ERC2: variants seen among roughly 807,000 people sequenced by gnomAD.
ERC2 encodes ERC protein 2.
Under a neutral mutation model 114.8 loss-of-function variants are expected in ERC2, and 42 were observed. The ratio of observed to expected loss-of-function variants is 0.37; its 90% CI spans 0.29 to 0.47. ERC2 has a LOEUF of 0.47. ERC2 is among the 20% of genes least tolerant of loss of function. The probability of loss-of-function intolerance (pLI) is 0.99; values close to 1 mark genes in which losing one functional copy is unlikely to be tolerated. For missense variants in ERC2, 939 were observed against 1,150.7 expected, an observed-to-expected ratio of 0.82 and a Z score of 2.66; for synonymous variants, 454 against 425.5, an observed-to-expected ratio of 1.07 and a Z score of -0.82.
chr3:56,334,322 C>A (rs2057758906), intron 2 of ERC2, among the ~76,000 whole-genome samples: 1 of 152,176 alleles, frequency 6.6e-6, no homozygotes, highest in Admixed American at 6.5e-5. Flanking sequence ...GAGAAGTAGG[C>A]CATAGGCCAA....
intron 6 of ERC2, among the ~76,000 whole-genome samples, chr3:56,124,392 C>T (rs1349601945): frequency 2.0e-5 from 3 of 152,108 alleles, no homozygotes; most frequent in South Asian, 2.1e-4. Flanking sequence ...TAAGGGTGTA[C>T]GTAACAATTT....
At chr3:55,610,291 C>T (rs979460801) in intron 17 of ERC2, among the ~76,000 whole-genome samples, 2 of 152,002 alleles carry the variant, frequency 1.3e-5, no homozygotes, top group African/African-American at 4.8e-5. Flanking sequence ...GATCCCCCCT[C>T]ATTCCCCAGC....
intron 4 of ERC2, among the ~76,000 whole-genome samples, chr3:56,161,580 T>C (rs2082051505): frequency 6.6e-6 from 1 of 152,190 alleles, no homozygotes; most frequent in Non-Finnish European, 1.5e-5. Context: ...CTTTGAGCAG[T>C]GTTTTGCAGT....
At chr3:56,267,631 T>G (rs1388424394) in intron 3 of ERC2, among the ~76,000 whole-genome samples, 4 of 150,686 alleles carry the variant, frequency 2.7e-5, no homozygotes, top group Non-Finnish European at 5.9e-5. Flanking sequence ...AAAAAAAAAT[T>G]AACTGGGTGT....
At chr3:56,331,106 C>A (rs1444059268) in intron 2 of ERC2, among the ~76,000 whole-genome samples, 1 of 152,192 alleles carries the variant, frequency 6.6e-6, no homozygotes, top group Non-Finnish European at 1.5e-5. Context: ...CTCCTGTAGA[C>A]CCTCTTCTTA....
intron 3 of ERC2, among the ~76,000 whole-genome samples, chr3:56,213,275 G>T (rs184657010): frequency 6.6e-6 from 1 of 152,200 alleles, no homozygotes; most frequent in Non-Finnish European, 1.5e-5. Flanking sequence ...GCCAAGGAAA[G>T]GGGTGACAGA....
intron 6 of ERC2, among the ~76,000 whole-genome samples, chr3:56,083,875 G>A (rs528689968): frequency 2.6e-5 from 4 of 151,390 alleles, no homozygotes; most frequent in South Asian, 4.2e-4. Flanking sequence ...CAAAATAACC[G>A]AACAAGAAGA....
intron 14 of ERC2, among the ~76,000 whole-genome samples, chr3:55,856,385 G>A (rs1056015045): frequency 4.6e-5 from 7 of 152,192 alleles, no homozygotes; most frequent in Admixed American, 4.6e-4. Context: ...ATGCAGAACA[G>A]AACACCATTC....
intron 17 of ERC2, among the ~76,000 whole-genome samples, chr3:55,611,298 T>C (rs999113014): frequency 6.6e-6 from 1 of 152,202 alleles, no homozygotes; most frequent in Non-Finnish European, 1.5e-5. Flanking sequence ...TTGAGTTAGA[T>C]TGTCCTCTCC....
intron 13 of ERC2, among the ~76,000 whole-genome samples, chr3:55,927,632 C>T (rs2065822729): frequency 1.3e-5 from 2 of 152,108 alleles, no homozygotes; most frequent in African/African-American, 2.4e-5. Context: ...TATTTTAAAA[C>T]ATACAATAAA....
chr3:55,541,526 G>A (rs2107343864), intron 17 of ERC2, among the ~76,000 whole-genome samples: 1 of 152,290 alleles, frequency 6.6e-6, no homozygotes, highest in South Asian at 2.1e-4. Flanking sequence ...GCTAGGAATG[G>A]TCATTCCCAT....
intron 17 of ERC2, among the ~76,000 whole-genome samples, chr3:55,573,536 C>A (rs191311949): frequency 7.9e-5 from 12 of 152,298 alleles, no homozygotes; most frequent in African/African-American, 2.6e-4. Flanking sequence ...TAGTTGGAGG[C>A]AGGCCCTGAT....
At chr3:56,277,470 C>G (rs1470656299) in intron 3 of ERC2, among the ~76,000 whole-genome samples, 1 of 152,156 alleles carries the variant, frequency 6.6e-6, no homozygotes, top group African/African-American at 2.4e-5. Flanking sequence ...CTGTCACAGG[C>G]ATTAGAAATG....
chr3:56,022,030 C>A (rs766855323), intron 7 of ERC2, among the ~76,000 whole-genome samples: 19 of 152,146 alleles, frequency 1.2e-4, no homozygotes, highest in Non-Finnish European at 2.4e-4. Context: ...CTGCAACGAA[C>A]ATTCACATAC....
At chr3:55,942,150 T>G (rs1242289155) in intron 13 of ERC2, among the ~76,000 whole-genome samples, 3 of 151,672 alleles carry the variant, frequency 2.0e-5, no homozygotes, top group Non-Finnish European at 2.9e-5. Context: ...GGATCTGGTC[T>G]CCCCTCTGCC....
At chr3:55,856,519 TATATACACACAC>T (rs1278201379) in intron 14 of ERC2, among the ~76,000 whole-genome samples, 1 of 152,032 alleles carries the variant, frequency 6.6e-6, no homozygotes, top group Non-Finnish European at 1.5e-5. Context: ...ACAAAACATA[TATATACACACAC>T]ATATACACAT....
chr3:56,269,004 G>A (rs2053494878), intron 3 of ERC2, among the ~76,000 whole-genome samples: 1 of 151,946 alleles, frequency 6.6e-6, no homozygotes, highest in Non-Finnish European at 1.5e-5. Context: ...CTAGGTTTGA[G>A]GTTAAAGATA....
intron 2 of ERC2, among the ~76,000 whole-genome samples, chr3:56,298,662 A>C (rs1217412401): frequency 6.8e-6 from 1 of 148,142 alleles, no homozygotes; most frequent in Non-Finnish European, 1.5e-5. Flanking sequence ...CAGAATAAAC[A>C]TATCCATAGA....
intron 13 of ERC2, among the ~76,000 whole-genome samples, chr3:55,916,473 A>G (rs1474965899): frequency 6.6e-6 from 1 of 152,192 alleles, no homozygotes; most frequent in Non-Finnish European, 1.5e-5. Flanking sequence ...ATGCAAGCAG[A>G]GAAGTAAAAA....
Sources: gnomAD v4.1 joint callset for allele counts (sites outside exome capture counted in the v4.1 genomes callset) on GRCh38, gnomAD v4.1.1 for gene constraint, MANE v1.5 for transcripts, NCBI Gene and HGNC (gene_info 2026-07-23, HGNC 2026-07-21) for gene names.